The following MROH7 variants were observed in gnomAD, a reference collection of about 807,000 sequenced individuals.
MROH7 encodes the protein maestro heat-like repeat-containing protein family member 7.
Under a neutral mutation model 129.2 loss-of-function variants are expected in MROH7, and 113 were observed. The ratio of observed to expected loss-of-function variants is 0.87; its 90% CI spans 0.75 to 1.02. The LOEUF is 1.02. Ranked by LOEUF, MROH7 falls within the 50% of genes least tolerant of loss-of-function variation. The pLI, the probability that MROH7 is intolerant of heterozygous loss-of-function variation, is 0.00. For synonymous variants in MROH7, 655 were observed against 667.9 expected (o/e 0.98, Z 0.30); for missense variants, 1,601 against 1,671.3 (o/e 0.96, Z 0.73).
rs769487026 is a variant in MROH7 at position 54,710,113 on chromosome 1, C to T, written c.3898C>T (p.Leu1300=). The part of the protein sequence containing the change: ...THRWSPSCEN[L]PTSHQRRSWI... ...CCGCTGGAGCCCCAGCTGTGAGAAC[C>T]TGCCCACTTCCCACCAGCGGCGCTC... Residue 1300 remains leucine (L), a synonymous_variant, in exon 24 of 24, where the codon CTG becomes TTG. Coordinates refer to ENST00000421030, the MANE Select transcript of MROH7 (RefSeq NM_001039464.4). 1 of 1,614,020 alleles carries T rather than the reference C, an allele frequency of 6.2e-7. No homozygotes were observed. Among genetic ancestry groups the T allele is most frequent in the Non-Finnish European group, 8.5e-7 (1 of 1,180,012 alleles).
chr1:54,665,331 C>T (rs1343605239), intron 4 of MROH7, 91 bp downstream of exon 4: 6 of 895,758 alleles, frequency 6.7e-6, no homozygotes, highest in Non-Finnish European at 1.1e-5. Flanking sequence ...CTCCGCATTC[C>T]CCATGCCTCT....
At chr1:54,644,423 A>G (rs979821591) in intron 1 of MROH7, among the ~76,000 whole-genome samples, 2 of 151,196 alleles carry the variant, frequency 1.3e-5, no homozygotes, top group Non-Finnish European at 2.9e-5. Context: ...GCTCACTGCA[A>G]CCTCCACCTC....
At chr1:54,646,826 T>C (rs572837687) in intron 1 of MROH7, among the ~76,000 whole-genome samples, 26 of 152,352 alleles carry the variant, frequency 1.7e-4, no homozygotes, top group African/African-American at 6.3e-4. Context: ...CCTCTCTCTG[T>C]CCTGCTTTAA....
At chr1:54,688,327 C>T (rs1280692100) in intron 15 of MROH7, among the ~76,000 whole-genome samples, 1 of 151,844 alleles carries the variant, frequency 6.6e-6, no homozygotes, top group African/African-American at 2.4e-5. Context: ...CAACCTTGGC[C>T]TCCCAAAGTG....
intron 22 of MROH7, among the ~76,000 whole-genome samples, chr1:54,706,797 T>G (rs1645541824): frequency 6.6e-6 from 1 of 152,214 alleles, no homozygotes; most frequent in East Asian, 1.9e-4. Flanking sequence ...ATGGCAGAAC[T>G]GCTGCTTTTC....
chr1:54,710,081 C>G lies in MROH7; in HGVS notation c.3866C>G (p.Thr1289Ser). Residue 1289 changes from threonine to serine, a missense_variant, in exon 24 of 24, where the codon ACC (threonine) becomes AGC (serine). By Grantham distance (58) the Thr-to-Ser change is moderately conservative (BLOSUM62 1). Coordinates refer to ENST00000421030, the MANE Select transcript of MROH7 (RefSeq NM_001039464.4). ...AACTCATGGGTGTGTTACTCAGCCACCACCCACCGCTGGAGCCCCAGCTGT... is the reference window on the plus strand; with the variant it reads ...AACTCATGGGTGTGTTACTCAGCCAGCACCCACCGCTGGAGCCCCAGCTGT... ...HGNSWVCYSA[T>S]THRWSPSCEN... 6.2e-7 allele frequency: 1 copy of G among 1,614,090 alleles called. No individual in the cohort carries two copies. Among genetic ancestry groups the G allele is most frequent in the Non-Finnish European group, 8.5e-7 (1 of 1,180,012 alleles).
Position 54,692,463 on chromosome 1 carries a change from G to A in MROH7, c.2751G>A (p.Met917Ile), listed in dbSNP as rs1645254591. 6.2e-7 allele frequency: 1 copy of A among 1,614,118 alleles called. No homozygotes were observed. Among genetic ancestry groups the A allele is most frequent in the South Asian group, 1.1e-5 (1 of 91,066 alleles). ...VKVVKTLLLR[M>I]GCSYETTFLE... Reference sequence around the variant, plus strand: ...TGGTGAAAACCCTGCTACTGAGGATGGGCTGCTCTTATGAGACCACGTTTC... The same window carrying A: ...TGGTGAAAACCCTGCTACTGAGGATAGGCTGCTCTTATGAGACCACGTTTC... The change falls in exon 16 of 24, where the codon ATG (methionine) becomes ATA (isoleucine). Residue 917 changes from methionine to isoleucine, a missense_variant. Met to Ile is a conservative substitution (Grantham distance 10). Coordinates refer to ENST00000421030, the MANE Select transcript of MROH7 (RefSeq NM_001039464.4).
At position 54,706,515 on chromosome 1, in the gene MROH7, G is replaced by A. The variant is rs1415492547; in HGVS notation, c.3645G>A (p.Arg1215=). ...CCAAGAACTCACGGGCCTCCCTCCG[G>A]AAGTGCTCAGTCATGTTCATAGGTA... ...EYAKNSRASL[R]KCSVMFIGSL... Residue 1215 remains arginine, a synonymous_variant, in exon 22 of 24, where the codon CGG becomes CGA. Transcript: ENST00000421030. The A allele has an allele frequency of 6.2e-7, 1 of 1,613,370 alleles. No homozygotes were observed. The highest frequency in any genetic ancestry group is 1.7e-5 in the Admixed American group (1 of 59,950).
chr1:54,689,548 G>A (rs985808873), intron 15 of MROH7, among the ~76,000 whole-genome samples: 1 of 152,186 alleles, frequency 6.6e-6, no homozygotes, highest in Non-Finnish European at 1.5e-5. Context: ...CACACAAGGC[G>A]GTCACATCCT....
chr1:54,663,260 G>A (rs533717488), intron 3 of MROH7, among the ~76,000 whole-genome samples: 16 of 151,916 alleles, frequency 1.1e-4, no homozygotes, highest in East Asian at 3.9e-4. Context: ...GCTATAATCC[G>A]TTTTTTTCAC....
Position 54,710,149 on chromosome 1 carries a change from C to T in MROH7, c.3934C>T (p.Gln1312Ter), listed in dbSNP as rs201739371. Residue 1312 changes from glutamine (Q) to a stop codon, truncating the protein, a stop_gained, in exon 24 of 24, where the codon CAG becomes TAG. Coordinates refer to ENST00000421030, the MANE Select transcript of MROH7 (RefSeq NM_001039464.4). LOFTEE classifies it high-confidence loss of function. ...CCACCAGCGGCGCTCCTGGATCATG[C>T]AGGCACTGGGCTCCTGGAAGATGTC... ...TSHQRRSWIM[Q>*]ALGSWKMSLK... 9.9e-6 allele frequency: 16 copies of T among 1,613,418 alleles called. No homozygotes were observed. The African/African-American group carries it at 2.1e-4, about 22-fold the overall frequency.
At position 54,678,739 on chromosome 1, in the gene MROH7, C is replaced by T; in HGVS notation, c.1937-3C>T. The T allele has an allele frequency of 6.2e-7, 1 of 1,608,096 alleles. No individual in the cohort carries two copies. Among genetic ancestry groups the T allele is most frequent in the Non-Finnish European group, 8.5e-7 (1 of 1,174,708 alleles). On this transcript the variant is annotated splice_polypyrimidine_tract_variant and splice_region_variant and intron_variant, in intron 10 of 23. Coordinates refer to ENST00000421030, the MANE Select transcript of MROH7 (RefSeq NM_001039464.4). ...CCTCACTGAGAAGGTTCTCATCTTG[C>T]AGGAGCCAGAGATAAGGAAGAGACC... is the stretch of plus-strand genomic sequence containing the variant.
chr1:54,706,500 A>T lies in MROH7; in HGVS notation c.3630A>T (p.Ser1210=), dbSNP rs1217973501. The change falls in exon 22 of 24, where the codon TCA becomes TCT. Residue 1210 remains serine, a synonymous_variant. Transcript: ENST00000421030. ...AGAGCCTGGAGTATGCCAAGAACTC[A>T]CGGGCCTCCCTCCGGAAGTGCTCAG... is the stretch of plus-strand genomic sequence containing the variant. ...LSQSLEYAKN[S]RASLRKCSVM... is the part of the protein sequence containing the mutation. 6.2e-7 allele frequency: 1 copy of T among 1,612,880 alleles called. No individual in the cohort carries two copies. The highest frequency in any genetic ancestry group is 8.5e-7 in the Non-Finnish European group (1 of 1,179,856).
intron 1 of MROH7, among the ~76,000 whole-genome samples, chr1:54,645,867 G>GA (rs1644458753): frequency 6.6e-6 from 1 of 151,862 alleles, no homozygotes; most frequent in Non-Finnish European, 1.5e-5. Flanking sequence ...TGCCCAGGCT[G>GA]GTCTTGAACT....
intron 18 of MROH7, 61 bp downstream of exon 18, chr1:54,700,522 G>A (rs1645418671): frequency 6.7e-7 from 1 of 1,501,920 alleles, no homozygotes; most frequent in Admixed American, 2.2e-5. Flanking sequence ...GAAGGACAGA[G>A]CTTCACCATT....
intron 11 of MROH7, among the ~76,000 whole-genome samples, 190 bp downstream of exon 11, chr1:54,679,044 G>A (rs573366690): frequency 8.5e-5 from 13 of 152,164 alleles, no homozygotes; most frequent in African/African-American, 3.1e-4. Context: ...TCTCCCTTAC[G>A]CATGTCACCC....
intron 3 of MROH7, among the ~76,000 whole-genome samples, chr1:54,656,888 A>G (rs1644657411): frequency 6.6e-6 from 1 of 151,998 alleles, no homozygotes; most frequent in African/African-American, 2.4e-5. Flanking sequence ...AAATATACAT[A>G]ACAAAATTTA....
At chr1:54,665,372 T>C (rs1022642283) in intron 4 of MROH7, 132 bp downstream of exon 4, 2 of 629,542 alleles carry the variant, frequency 3.2e-6, no homozygotes, top group Non-Finnish European at 5.6e-6. Flanking sequence ...ATAACATTCA[T>C]TGCCGTCTGA....
intron 4 of MROH7, among the ~76,000 whole-genome samples, 196 bp downstream of exon 4, chr1:54,665,436 G>C (rs1485987941): frequency 6.6e-6 from 1 of 152,164 alleles, no homozygotes; most frequent in South Asian, 2.1e-4. Flanking sequence ...CCTCCACAAG[G>C]ACATATCCTC....
Sources: gnomAD v4.1 joint callset for allele counts (sites outside exome capture counted in the v4.1 genomes callset) on GRCh38, gnomAD v4.1.1 for gene constraint, MANE v1.5 for transcripts, NCBI Gene and HGNC (gene_info 2026-07-23, HGNC 2026-07-21) for gene names.